Variants in ZNF385D observed in about 807,000 individuals in gnomAD.
The protein encoded by ZNF385D is zinc finger protein 659.
Under a neutral mutation model 35.8 loss-of-function variants are expected in ZNF385D, and 15 were observed. The observed-to-expected ratio is 0.42, with a 90% CI of 0.28 to 0.64. The LOEUF (loss-of-function observed/expected upper bound fraction) is 0.64, where lower values mean the gene tolerates loss of function less well. ZNF385D is among the 30% of genes least tolerant of loss of function. ZNF385D has a pLI of 0.23. For synonymous variants in ZNF385D, 212 were observed against 186.8 expected (o/e 1.13, Z -1.10); for missense variants, 474 against 494.6 (o/e 0.96, Z 0.39).
At chr3:21,501,218 G>A (rs1224679099) in intron 4 of ZNF385D, among the ~76,000 whole-genome samples, 4 of 151,856 alleles carry the variant, frequency 2.6e-5, no homozygotes, top group East Asian at 1.9e-4. Context: ...TCCCTCTATC[G>A]CTGTACGGGA....
At chr3:21,488,751 C>A (rs1403466353) in intron 4 of ZNF385D, among the ~76,000 whole-genome samples, 1 of 152,036 alleles carries the variant, frequency 6.6e-6, no homozygotes, top group African/African-American at 2.4e-5. Flanking sequence ...GCCCACTGGT[C>A]AGTTTGCTAC....
At chr3:21,463,682 A>C (rs1450858646) in intron 4 of ZNF385D, among the ~76,000 whole-genome samples, 1 of 151,816 alleles carries the variant, frequency 6.6e-6, no homozygotes, top group African/African-American at 2.4e-5. Context: ...GAAAAGATAC[A>C]CTCTTTCCAG....
At chr3:22,147,764 G>T (rs1704954376) in intron 3 of ZNF385D, among the ~76,000 whole-genome samples, 2 of 152,124 alleles carry the variant, frequency 1.3e-5, no homozygotes, top group South Asian at 2.1e-4. Flanking sequence ...AGTTAGGATT[G>T]AATCTAGATC....
intron 2 of ZNF385D, among the ~76,000 whole-genome samples, chr3:22,206,522 T>G (rs1334229706): frequency 1.3e-5 from 2 of 152,112 alleles, no homozygotes; most frequent in East Asian, 3.9e-4. Flanking sequence ...GACCATATGT[T>G]AGGCCATAAA....
At chr3:21,978,329 T>A (rs756540299) in intron 3 of ZNF385D, 4 of 152,252 alleles carry the variant, frequency 2.6e-5, no homozygotes, top group Admixed American at 6.5e-5. Context: ...TATCTGTTAC[T>A]GGTATGATCT....
chr3:21,801,698 C>A (rs1485984606), intron 3 of ZNF385D, among the ~76,000 whole-genome samples: 2 of 152,148 alleles, frequency 1.3e-5, no homozygotes, highest in Non-Finnish European at 2.9e-5. Context: ...GCTTAGGGAA[C>A]TACTGCAGCC....
intron 2 of ZNF385D, among the ~76,000 whole-genome samples, chr3:22,235,404 G>C (rs972379055): frequency 3.3e-5 from 5 of 152,030 alleles, no homozygotes; most frequent in African/African-American, 1.2e-4. Flanking sequence ...AGGGAAAGAC[G>C]ACATTTATTT....
rs142159586 is a variant in ZNF385D, at chr3:22,252,606, A to C, written c.107-83571T>G. On this transcript the variant is annotated intron_variant, in intron 2 of 5. Transcript: ENST00000494108. ...TTGTGCTAAGTATTTACCATGTATCATCTCATTTGACTAATGCTTTCTAGG... is the reference window on the plus strand; with the variant it reads ...TTGTGCTAAGTATTTACCATGTATCCTCTCATTTGACTAATGCTTTCTAGG... Among the ~76,000 whole-genome samples, 636 of 152,194 alleles carry C rather than the reference A, an allele frequency of 4.2e-3. 4 individuals are homozygous for C. Among genetic ancestry groups the C allele is most frequent in the African/African-American group, 0.014 (596 of 41,552 alleles).
At chr3:21,599,999 G>A (rs1232240132) in intron 2 of ZNF385D, among the ~76,000 whole-genome samples, 4 of 152,118 alleles carry the variant, frequency 2.6e-5, no homozygotes, top group Non-Finnish European at 5.9e-5. Flanking sequence ...TAAAGAAGCC[G>A]GCTAAAACGA....
chr3:22,032,769 A>G (rs1698080512), intron 3 of ZNF385D, among the ~76,000 whole-genome samples: 1 of 152,154 alleles, frequency 6.6e-6, no homozygotes, highest in South Asian at 2.1e-4. Context: ...AATAATACTA[A>G]TGCTTACTGA....
Position 21,415,705 on chromosome 3 carries a change from GCCT to G in ZNF385D, c.*5506_*5508del. 1 of 151,900 alleles carries G rather than the reference GCCT, an allele frequency of 6.6e-6. No homozygotes were observed. Among genetic ancestry groups the G allele is most frequent in the South Asian group, 2.1e-4 (1 of 4,816 alleles). The allele number at this position is 151,900 out of a possible 1,614,324, so 9.4% of individuals were successfully genotyped here. The stretch of plus-strand genomic sequence containing the variant: ...ATTTTAGCCCTAATCTTTAAAAATT[GCCT>G]TTAGAGATGACCTGCCAGTCTGAAA... On this transcript the variant is annotated 3_prime_UTR_variant, in exon 8 of 8. Transcript: ENST00000281523.
intron 3 of ZNF385D, among the ~76,000 whole-genome samples, chr3:22,139,772 A>G (rs1704383103): frequency 6.6e-6 from 1 of 152,114 alleles, no homozygotes; most frequent in Admixed American, 6.6e-5. Context: ...TAATAAAACA[A>G]AAAAAAGAAT....
At chr3:21,681,322 A>AC (rs2066900685) in intron 1 of ZNF385D, among the ~76,000 whole-genome samples, 1 of 149,850 alleles carries the variant, frequency 6.7e-6, no homozygotes, top group Non-Finnish European at 1.5e-5. Context: ...AAAAAAAAAA[A>AC]AACCTACATT....
chr3:21,599,914 C>G (rs180802245), intron 2 of ZNF385D, among the ~76,000 whole-genome samples: 1 of 152,288 alleles, frequency 6.6e-6, no homozygotes, highest in African/African-American at 2.4e-5. Flanking sequence ...TTAAGGCATT[C>G]TAAATCACAG....
At chr3:21,865,404 C>G (rs1373654595) in intron 3 of ZNF385D, among the ~76,000 whole-genome samples, 2 of 152,006 alleles carry the variant, frequency 1.3e-5, no homozygotes, top group African/African-American at 4.8e-5. Context: ...AGCAATTTAA[C>G]AAAGTCACTT....
chr3:21,933,398 T>A (rs1701108971), intron 3 of ZNF385D, among the ~76,000 whole-genome samples: 1 of 152,188 alleles, frequency 6.6e-6, no homozygotes. Flanking sequence ...CATGTAACTG[T>A]GAGCTAGTTT....
At chr3:22,007,854 TTTG>T (rs1696316712) in intron 3 of ZNF385D, among the ~76,000 whole-genome samples, 1 of 151,446 alleles carries the variant, frequency 6.6e-6, no homozygotes, top group African/African-American at 2.4e-5. Flanking sequence ...TAGTTTTCTT[TTTG>T]TTAATACAAA....
At chr3:22,328,018 C>A (rs1260309653) in intron 2 of ZNF385D, among the ~76,000 whole-genome samples, 2 of 152,084 alleles carry the variant, frequency 1.3e-5, no homozygotes, top group East Asian at 1.9e-4. Context: ...ATTTTCTATT[C>A]CTTTATTTTC....
At chr3:22,312,076 C>T (rs1025370142) in intron 2 of ZNF385D, among the ~76,000 whole-genome samples, 7 of 152,114 alleles carry the variant, frequency 4.6e-5, no homozygotes, top group African/African-American at 1.2e-4. Context: ...TACCTACTCA[C>T]TTTCTAATAA....
Sources: gnomAD v4.1 joint callset for allele counts (sites outside exome capture counted in the v4.1 genomes callset) on GRCh38, gnomAD v4.1.1 for gene constraint, MANE v1.5 for transcripts, NCBI Gene and HGNC (gene_info 2026-07-23, HGNC 2026-07-21) for gene names.